DLGAP4: variants seen among roughly 807,000 people sequenced by gnomAD.
DLGAP4 encodes the protein DLG associated protein 4.
DLGAP4 carries 18 observed loss-of-function variants against 86.9 expected under a neutral mutation model. That is an observed-to-expected ratio of 0.21 (90% CI 0.14 to 0.31). The LOEUF is 0.31. DLGAP4 is among the 10% of genes least tolerant of loss of function. The pLI is 1.00. For synonymous variants in DLGAP4, 548 were observed against 574.3 expected, an observed-to-expected ratio of 0.95 and a Z score of 0.65; for missense variants, 1,085 against 1,362.6, an observed-to-expected ratio of 0.80 and a Z score of 3.21.
chr20:36,410,977 TTTTTG>T (rs555027714), intron 2 of DLGAP4, among the ~76,000 whole-genome samples: 18 of 152,042 alleles, frequency 1.2e-4, no homozygotes, highest in African/African-American at 3.1e-4. Context: ...TTCAAATTCT[TTTTTG>T]TTTTGTTTTG....
chr20:36,368,596 A>ATAGCC, intron 2 of DLGAP4, among the ~76,000 whole-genome samples: 1 of 152,190 alleles, frequency 6.6e-6, no homozygotes, highest in Non-Finnish European at 1.5e-5. Flanking sequence ...GCGGCTGCAA[A>ATAGCC]TAGCCGTTGC....
At chr20:36,525,344 A>G (rs1600726129) in intron 11 of DLGAP4, among the ~76,000 whole-genome samples, 1 of 149,816 alleles carries the variant, frequency 6.7e-6, no homozygotes, top group Non-Finnish European at 1.5e-5. Context: ...GTCAAAAGCA[A>G]AGTCCTGGGC....
intron 8 of DLGAP4, chr20:36,498,981 T>A: frequency 4.3e-6 from 2 of 460,150 alleles, no homozygotes; most frequent in East Asian, 4.1e-5. Context: ...CTCAGCCAAG[T>A]GTGAATAACG....
chr20:36,448,861 G>C (rs1378171587), intron 7 of DLGAP4, among the ~76,000 whole-genome samples: 2 of 152,070 alleles, frequency 1.3e-5, no homozygotes, highest in African/African-American at 4.8e-5. Context: ...TTGAACCCGG[G>C]AGGTAGAGGT....
At chr20:36,360,587 C>T (rs1014066544) in intron 1 of DLGAP4, among the ~76,000 whole-genome samples, 1 of 150,724 alleles carries the variant, frequency 6.6e-6, no homozygotes, top group Non-Finnish European at 1.5e-5. Context: ...AGGGCCATGG[C>T]GAATTGTGGG....
intron 2 of DLGAP4, among the ~76,000 whole-genome samples, chr20:36,423,752 A>G (rs2032896462): frequency 6.6e-6 from 1 of 152,110 alleles, no homozygotes; most frequent in African/African-American, 2.4e-5. Flanking sequence ...ATCTGAGGTC[A>G]GGAGTTCGAG....
Position 36,527,209 on chromosome 20 carries a change from T to TA in DLGAP4, c.*179dup. 1.9e-6 allele frequency: 1 copy of TA among 530,764 alleles called. No individual in the cohort carries two copies. Among genetic ancestry groups the TA allele is most frequent in the Non-Finnish European group, 3.2e-6 (1 of 311,318 alleles). 32.9% of individuals were successfully genotyped at this position (530,764 alleles called of 1,614,324 possible). On this transcript the variant is annotated 3_prime_UTR_variant, in exon 13 of 13. Transcript: ENST00000339266. Reference sequence around the variant, plus strand: ...GGCTTTTTTGGGTCCCTCCCAGCTTTAGGTTATGAAGATTTTACTCACAAA... The same window carrying TA: ...GGCTTTTTTGGGTCCCTCCCAGCTTTAAGGTTATGAAGATTTTACTCACAAA...
rs555570652 is a variant in DLGAP4 at position 36,427,965 on chromosome 20, GA to G, written c.-72-3673del. Among the ~76,000 whole-genome samples, 21 of 151,510 alleles carry G rather than the reference GA, an allele frequency of 1.4e-4. 1 individual carries two copies. Among genetic ancestry groups the G allele is most frequent in the African/African-American group, 4.6e-4 (19 of 41,296 alleles). ...TGTCAAAAAATAAAAATAAAAAAGG[GA>G]AAAAAAACTGGAAAAATACAATCCA... On this transcript the variant is annotated intron_variant, in intron 2 of 12. Coordinates refer to ENST00000339266, the MANE Select transcript of DLGAP4 (RefSeq NM_001365621.2).
At position 36,500,409 on chromosome 20, in the gene DLGAP4, T is replaced by C; in HGVS notation, c.2310T>C (p.Pro770=). ...TCTCCTATGGAGACAACAGCGACCC[T>C]GCCCTAGAGGCGTCCTCGCTGCCCC... ...RNLSYGDNSD[P]ALEASSLPPP... Residue 770 remains proline, a synonymous_variant, in exon 10 of 13, where the codon CCT becomes CCC. Transcript: ENST00000339266. The surrounding 1 kb of genome is among the most constrained non-coding windows in gnomAD (Gnocchi z 4.6). 1 of 1,590,634 alleles carries C rather than the reference T, an allele frequency of 6.3e-7. No homozygotes were observed. Among genetic ancestry groups the C allele is most frequent in the South Asian group, 1.1e-5 (1 of 87,466 alleles).
rs550652235 is a variant in DLGAP4, at chr20:36,380,478, C to G, written c.-73+13203C>G. Among the ~76,000 whole-genome samples the G allele has an allele frequency of 3.9e-5, 6 of 152,142 alleles. No individual in the cohort carries two copies. The South Asian group carries it at 1.2e-3, about 32-fold the overall frequency. On this transcript the variant is annotated intron_variant, in intron 2 of 12. Transcript: ENST00000339266. The stretch of plus-strand genomic sequence containing the variant: ...TGGCACATTCCTGTAGTCCCAGCTA[C>G]TTGGGAGGCTGAGGCAGAAGGATCA...
At chr20:36,523,298 G>A (rs963326759) in intron 10 of DLGAP4, among the ~76,000 whole-genome samples, 1 of 152,006 alleles carries the variant, frequency 6.6e-6, no homozygotes, top group African/African-American at 2.4e-5. Context: ...CCCGGCTGAT[G>A]CCAGCACTTT....
intron 2 of DLGAP4, among the ~76,000 whole-genome samples, chr20:36,424,949 T>C (rs1361105692): frequency 6.6e-6 from 1 of 152,080 alleles, no homozygotes; most frequent in Non-Finnish European, 1.5e-5. Context: ...TTGGGCAGGG[T>C]GGTCTCAAAT....
intron 5 of DLGAP4, among the ~76,000 whole-genome samples, chr20:36,441,879 C>A (rs2033456082): frequency 6.6e-6 from 1 of 152,176 alleles, no homozygotes; most frequent in Non-Finnish European, 1.5e-5. Flanking sequence ...ACCCAGGACA[C>A]CTTTGTCCTT....
At chr20:36,517,793 TA>T (rs2037132377) in intron 10 of DLGAP4, among the ~76,000 whole-genome samples, 1 of 152,212 alleles carries the variant, frequency 6.6e-6, no homozygotes, top group Admixed American at 6.5e-5. Context: ...ATATGTGATT[TA>T]ATAATTTTGT....
At chr20:36,352,563 G>A (rs1181386704) in intron 1 of DLGAP4, among the ~76,000 whole-genome samples, 1 of 152,084 alleles carries the variant, frequency 6.6e-6, no homozygotes, top group Non-Finnish European at 1.5e-5. Context: ...CCAGGAAGAC[G>A]GGAAAGTTTT....
intron 10 of DLGAP4, among the ~76,000 whole-genome samples, chr20:36,502,731 T>A (rs2036198383): frequency 6.6e-6 from 1 of 152,154 alleles, no homozygotes; most frequent in African/African-American, 2.4e-5. Flanking sequence ...ATTTTTTTTA[T>A]TTTTATTTTT....
chr20:36,443,968 C>G (rs2033521792), intron 6 of DLGAP4, among the ~76,000 whole-genome samples: 1 of 152,144 alleles, frequency 6.6e-6, no homozygotes, highest in Non-Finnish European at 1.5e-5. Flanking sequence ...GTGACTTGCC[C>G]ACGTTCACAT....
At position 36,461,504 on chromosome 20, in the gene DLGAP4, G is replaced by C. The variant is rs1208921762; in HGVS notation, c.1648+14567G>C. On this transcript the variant is annotated intron_variant, in intron 7 of 12. Coordinates refer to ENST00000339266, the MANE Select transcript of DLGAP4 (RefSeq NM_001365621.2). ...GAGCCTCGGGCCGGGCTGCGTGAGG[G>C]AGGAGGGTGAGTGCCCGCCGCTGGC... 3.1e-6 allele frequency: 3 copies of C among 983,296 alleles called. No homozygotes were observed. In the African/African-American group the frequency reaches 5.3e-5, roughly 17 times the overall value. The allele number at this position is 983,296 out of a possible 1,614,324, so 60.9% of individuals were successfully genotyped here.
At chr20:36,365,911 C>A (rs1386399415) in intron 1 of DLGAP4, among the ~76,000 whole-genome samples, 1 of 152,174 alleles carries the variant, frequency 6.6e-6, no homozygotes, top group African/African-American at 2.4e-5. Flanking sequence ...ACCTACCACT[C>A]GGGTTCTGTG....
Sources: allele counts gnomAD v4.1 joint callset (sites outside exome capture counted in the v4.1 genomes callset), GRCh38; gene constraint gnomAD v4.1.1; non-coding constraint Gnocchi (gnomAD v3.1); transcripts MANE v1.5; gene names NCBI Gene and HGNC (gene_info 2026-07-23, HGNC 2026-07-21).